Variants in GALNT13 observed in about 807,000 individuals in gnomAD.
The protein encoded by GALNT13 is polypeptide N-acetylgalactosaminyltransferase 13.
In GALNT13, 28 loss-of-function variants were observed where a neutral mutation model predicts 64.2. The ratio of observed to expected loss-of-function variants is 0.44; its 90% CI spans 0.32 to 0.60. GALNT13 has a LOEUF of 0.60. GALNT13 is among the 20% of genes least tolerant of loss of function. The pLI is 0.05. For synonymous variants in GALNT13, 214 were observed against 224.6 expected (o/e 0.95, Z 0.42); for missense variants, 577 against 669.8 (o/e 0.86, Z 1.53).
At chr2:154,407,670 A>T (rs1699611545) in intron 10 of GALNT13, among the ~76,000 whole-genome samples, 1 of 151,816 alleles carries the variant, frequency 6.6e-6, no homozygotes, top group African/African-American at 2.4e-5. Flanking sequence ...TGTCTTTTTT[A>T]ATGGGTTGCT....
At chr2:154,026,758 T>C (rs1440719630) in intron 3 of GALNT13, among the ~76,000 whole-genome samples, 1 of 152,216 alleles carries the variant, frequency 6.6e-6, no homozygotes, top group Non-Finnish European at 1.5e-5. Flanking sequence ...TCAAAATGTT[T>C]AGAGCTTCAA....
chr2:153,620,956 T>C, the GALNT13 span, among the ~76,000 whole-genome samples: 1 of 152,096 alleles, frequency 6.6e-6, no homozygotes, highest in Non-Finnish European at 1.5e-5. Context: ...ATCTAAGTTA[T>C]ATTGCTTTAG....
the GALNT13 span, among the ~76,000 whole-genome samples, chr2:153,299,956 G>T: frequency 6.6e-6 from 1 of 152,052 alleles, no homozygotes; most frequent in Non-Finnish European, 1.5e-5. Context: ...CCGTGGTGCC[G>T]AGTACAGCCA....
the GALNT13 span, among the ~76,000 whole-genome samples, chr2:153,432,242 C>T: frequency 6.6e-6 from 1 of 152,208 alleles, no homozygotes; most frequent in Non-Finnish European, 1.5e-5. Flanking sequence ...ATCTAAAAGC[C>T]ACAGGATAGT....
the GALNT13 span, among the ~76,000 whole-genome samples, chr2:153,101,265 T>G: frequency 1.3e-5 from 2 of 152,302 alleles, no homozygotes; most frequent in Admixed American, 1.3e-4. Context: ...AATTTTGTGC[T>G]TAAAAATTCT....
the GALNT13 span, among the ~76,000 whole-genome samples, chr2:153,786,731 G>A: frequency 6.6e-6 from 1 of 151,778 alleles, no homozygotes; most frequent in African/African-American, 2.4e-5. Flanking sequence ...TTCCTTGGAG[G>A]TGGAACCCCC....
At chr2:153,531,047 CA>C in the GALNT13 span, among the ~76,000 whole-genome samples, 1 of 152,104 alleles carries the variant, frequency 6.6e-6, no homozygotes, top group Admixed American at 6.6e-5. Context: ...GGGATCATAT[CA>C]AGTTAAAAAA....
chr2:153,173,326 T>G, the GALNT13 span: 1 of 152,170 alleles, frequency 6.6e-6, no homozygotes, highest in African/African-American at 2.4e-5. Context: ...CTGTCCTTGT[T>G]GAGCCTATGG....
At chr2:154,231,585 T>G (rs1248734001) in intron 4 of GALNT13, among the ~76,000 whole-genome samples, 2 of 151,872 alleles carry the variant, frequency 1.3e-5, no homozygotes, top group African/African-American at 2.4e-5. Flanking sequence ...AGTTAGACTT[T>G]TCAAAACAAG....
chr2:154,393,517 A>G (rs1221869823), intron 9 of GALNT13, among the ~76,000 whole-genome samples: 1 of 152,184 alleles, frequency 6.6e-6, no homozygotes, highest in African/African-American at 2.4e-5. Flanking sequence ...CACTTCTAAG[A>G]AGAAAAACAT....
At chr2:153,636,008 C>A in the GALNT13 span, among the ~76,000 whole-genome samples, 1 of 152,096 alleles carries the variant, frequency 6.6e-6, no homozygotes, top group Non-Finnish European at 1.5e-5. Flanking sequence ...GGGATGAGAA[C>A]ACTGTGAAGA....
chr2:154,140,608 G>A, intron 4 of GALNT13, 103 bp downstream of exon 4: 1 of 764,642 alleles, frequency 1.3e-6, no homozygotes, highest in Non-Finnish European at 2.1e-6. Context: ...AGCAATGTGT[G>A]GTTCTGAGTA....
At chr2:153,534,526 C>CTTTT in the GALNT13 span, among the ~76,000 whole-genome samples, 6 of 138,748 alleles carry the variant, frequency 4.3e-5, no homozygotes, top group Non-Finnish European at 3.1e-5. Context: ...TTCTTTCTTT[C>CTTTT]TTTTTTTTTT....
At chr2:153,133,532 C>T in the GALNT13 span, among the ~76,000 whole-genome samples, 2 of 152,046 alleles carry the variant, frequency 1.3e-5, no homozygotes, top group Non-Finnish European at 2.9e-5. Context: ...ATTTATGTGT[C>T]TCCAAGCCTA....
At chr2:154,069,700 A>G (rs1354590060) in intron 3 of GALNT13, among the ~76,000 whole-genome samples, 1 of 152,034 alleles carries the variant, frequency 6.6e-6, no homozygotes, top group Non-Finnish European at 1.5e-5. Flanking sequence ...TGACTATGGG[A>G]TTTGCACAAG....
the GALNT13 span, among the ~76,000 whole-genome samples, chr2:153,729,694 G>T: frequency 1.3e-5 from 2 of 151,980 alleles, no homozygotes; most frequent in African/African-American, 2.4e-5. Flanking sequence ...AAAAGAGGAA[G>T]TATTCTGCTG....
intron 3 of GALNT13, among the ~76,000 whole-genome samples, chr2:154,035,849 A>C (rs1698630230): frequency 6.6e-6 from 1 of 152,056 alleles, no homozygotes; most frequent in Non-Finnish European, 1.5e-5. Context: ...ATATGGATTG[A>C]ACACTCATTA....
chr2:154,450,320 T>A lies in GALNT13; in HGVS notation c.1531-91T>A. The A allele has an allele frequency of 1.4e-5, 16 of 1,171,596 alleles. No individual in the cohort carries two copies. The South Asian group carries it at 2.4e-4, about 18-fold the overall frequency. The allele number at this position is 1,171,596 out of a possible 1,614,324, so 72.6% of individuals were successfully genotyped here. On this transcript the variant is annotated intron_variant, in intron 12 of 12. Transcript: ENST00000392825. ...ACAGTGTATTATACTATAAAAATCA[T>A]AAAGGATTTTTTAAAGAACAGATTT...
At chr2:153,957,090 T>G (rs982571133) in intron 3 of GALNT13, among the ~76,000 whole-genome samples, 1 of 152,216 alleles carries the variant, frequency 6.6e-6, no homozygotes, top group Non-Finnish European at 1.5e-5. Flanking sequence ...TGAAGATTAT[T>G]TATAAACCAA....
Sources: gnomAD v4.1 joint callset for allele counts (sites outside exome capture counted in the v4.1 genomes callset) on GRCh38, gnomAD v4.1.1 for gene constraint, MANE v1.5 for transcripts, NCBI Gene and HGNC (gene_info 2026-07-23, HGNC 2026-07-21) for gene names.